REDIC1: variants seen among roughly 807,000 people sequenced by gnomAD.
REDIC1 encodes the protein regulator of DNA class I crossover intermediates 1.
the REDIC1 span, among the ~76,000 whole-genome samples, chr12:39,777,099 C>T: frequency 9.8e-5 from 15 of 152,292 alleles, no homozygotes; most frequent in South Asian, 4.1e-4. Context: ...TCGGAATCTG[C>T]GTCCTTGTCA....
the REDIC1 span, among the ~76,000 whole-genome samples, chr12:39,805,977 T>G: frequency 6.6e-6 from 1 of 152,304 alleles, no homozygotes; most frequent in Non-Finnish European, 1.5e-5. Flanking sequence ...ACACTTTCCT[T>G]AGCAATAGCA....
At chr12:39,702,246 G>A in the REDIC1 span, among the ~76,000 whole-genome samples, 1 of 152,088 alleles carries the variant, frequency 6.6e-6, no homozygotes, top group African/African-American at 2.4e-5. Context: ...AAATGATAAA[G>A]GGGATATCAC....
At chr12:39,782,407 G>A in the REDIC1 span, among the ~76,000 whole-genome samples, 4 of 152,122 alleles carry the variant, frequency 2.6e-5, no homozygotes, top group South Asian at 8.3e-4. Context: ...TGATGGGTTT[G>A]TCAGGGGTTT....
the REDIC1 span, among the ~76,000 whole-genome samples, chr12:39,783,027 C>A: frequency 3.3e-5 from 5 of 152,158 alleles, no homozygotes; most frequent in Admixed American, 2.0e-4. Context: ...CCGCTCCCCC[C>A]ACCCCACGAC....
chr12:39,882,193 C>T, the REDIC1 span, among the ~76,000 whole-genome samples: 1 of 152,130 alleles, frequency 6.6e-6, no homozygotes, highest in Non-Finnish European at 1.5e-5. Flanking sequence ...ACCAGAGGGT[C>T]TCAGATATTG....
the REDIC1 span, among the ~76,000 whole-genome samples, chr12:39,688,447 G>C: frequency 6.6e-6 from 1 of 152,154 alleles, no homozygotes; most frequent in South Asian, 2.1e-4. Context: ...GAAATTTCAA[G>C]TACCTTGTTT....
chr12:39,645,080 A>G, the REDIC1 span, among the ~76,000 whole-genome samples: 2 of 151,896 alleles, frequency 1.3e-5, no homozygotes, highest in Non-Finnish European at 1.5e-5. Flanking sequence ...GTCTTCAGAG[A>G]TAGGGATATT....
At chr12:39,630,367 G>A in the REDIC1 span, among the ~76,000 whole-genome samples, 1 of 151,930 alleles carries the variant, frequency 6.6e-6, no homozygotes, top group Non-Finnish European at 1.5e-5. Context: ...TTCAGATTGG[G>A]GAATCAATCA....
the REDIC1 span, among the ~76,000 whole-genome samples, chr12:39,708,329 G>A: frequency 2.0e-5 from 3 of 151,720 alleles, no homozygotes; most frequent in South Asian, 6.2e-4. Context: ...TAACATGTAT[G>A]TTTTGCTATG....
At chr12:39,801,027 A>G in the REDIC1 span, among the ~76,000 whole-genome samples, 46 of 22,758 alleles carry the variant, frequency 2.0e-3, 1 homozygote, top group African/African-American at 7.0e-3. Context: ...ATTCTCACTC[A>G]TAGGTGGGAA....
chr12:39,857,466 C>T, the REDIC1 span, among the ~76,000 whole-genome samples: 94,000 of 151,972 alleles, frequency 0.62, 29,277 homozygotes, highest in East Asian at 0.77. Context: ...CCTTGCCATT[C>T]CCCTCCAAAA....
At chr12:39,695,051 A>G in the REDIC1 span, among the ~76,000 whole-genome samples, 1 of 152,052 alleles carries the variant, frequency 6.6e-6, no homozygotes, top group South Asian at 2.1e-4. Context: ...GGCAAGATTC[A>G]TCACCTGCTA....
chr12:39,710,880 T>G, the REDIC1 span, among the ~76,000 whole-genome samples: 1 of 151,688 alleles, frequency 6.6e-6, no homozygotes, highest in Non-Finnish European at 1.5e-5. Context: ...TAAGTGTTTT[T>G]TTTTCAGTAT....
chr12:39,719,285 A>G, the REDIC1 span, among the ~76,000 whole-genome samples: 1 of 152,148 alleles, frequency 6.6e-6, no homozygotes, highest in African/African-American at 2.4e-5. Flanking sequence ...TACATTTTAA[A>G]TGTGTATGCA....
the REDIC1 span, among the ~76,000 whole-genome samples, chr12:39,797,447 T>G: frequency 6.6e-5 from 10 of 152,196 alleles, no homozygotes; most frequent in Non-Finnish European, 1.3e-4. Context: ...TTTTCTATTT[T>G]CATAAATAAC....
chr12:39,800,294 G>A, the REDIC1 span, among the ~76,000 whole-genome samples: 1 of 152,290 alleles, frequency 6.6e-6, no homozygotes, highest in South Asian at 2.1e-4. Flanking sequence ...CTTATTCTGA[G>A]TAAGAATTGG....
At chr12:39,751,281 C>T in the REDIC1 span, among the ~76,000 whole-genome samples, 10 of 152,160 alleles carry the variant, frequency 6.6e-5, no homozygotes, top group Non-Finnish European at 1.3e-4. Context: ...TTTATGCAGC[C>T]AGCAGACACA....
At chr12:39,896,335 T>C in the REDIC1 span, among the ~76,000 whole-genome samples, 6 of 142,600 alleles carry the variant, frequency 4.2e-5, no homozygotes, top group Non-Finnish European at 7.6e-5. Context: ...TGTGTATATA[T>C]GTATACATAT....
the REDIC1 span, among the ~76,000 whole-genome samples, chr12:39,896,676 T>G: frequency 6.6e-6 from 1 of 151,800 alleles, no homozygotes; most frequent in African/African-American, 2.4e-5. Flanking sequence ...GTTTAAATAT[T>G]AATATCCCTC....
Sources: gnomAD v4.1 joint callset for allele counts (sites outside exome capture counted in the v4.1 genomes callset) on GRCh38, gnomAD v4.1.1 for gene constraint, MANE v1.5 for transcripts, NCBI Gene and HGNC (gene_info 2026-07-23, HGNC 2026-07-21) for gene names.